CHN1: variants seen among roughly 807,000 people sequenced by gnomAD.
CHN1 encodes the protein N-chimaerin.
A neutral mutation model predicts 59.5 loss-of-function variants in CHN1; 37 were observed. That is an observed-to-expected ratio of 0.62 (90% CI 0.48 to 0.82). The LOEUF is 0.82. CHN1 is among the 40% of genes least tolerant of loss of function. The pLI is 0.00. For missense variants in CHN1, 469 were observed against 571.0 expected (o/e 0.82, Z 1.82); for synonymous variants, 206 against 200.4 (o/e 1.03, Z -0.24).
intron 3 of CHN1, among the ~76,000 whole-genome samples, chr2:174,931,904 A>G (rs1401207100): frequency 6.6e-6 from 1 of 152,202 alleles, no homozygotes; most frequent in Admixed American, 6.5e-5. Context: ...AAGACTGGTC[A>G]GGCTGAAGCA....
chr2:174,886,972 C>T (rs1033885546), intron 5 of CHN1, among the ~76,000 whole-genome samples: 1 of 152,178 alleles, frequency 6.6e-6, no homozygotes, highest in Non-Finnish European at 1.5e-5. Flanking sequence ...ATGGCTTCCT[C>T]ATGCCCTTTT....
In CHN1 at chr2:174,931,688, C is replaced by G. The variant is rs976780036; in HGVS notation, c.115-13123G>C. On this transcript the variant is annotated intron_variant, in intron 3 of 12. Coordinates refer to ENST00000409900, the MANE Select transcript of CHN1 (RefSeq NM_001822.7). ...AACAAAATGAAAAGTGTTGTGAAGACAAGACAAAGTAGAACAGGAAAAGAC... is the reference window on the plus strand; with the variant it reads ...AACAAAATGAAAAGTGTTGTGAAGAGAAGACAAAGTAGAACAGGAAAAGAC... Among the ~76,000 whole-genome samples the G allele has an allele frequency of 3.9e-5, 6 of 152,130 alleles. 1 individual carries two copies. In the South Asian group the frequency reaches 1.2e-3, roughly 32 times the overall value.
chr2:174,809,442 C>T (rs1263350444), intron 10 of CHN1, among the ~76,000 whole-genome samples: 1 of 152,164 alleles, frequency 6.6e-6, no homozygotes, highest in African/African-American at 2.4e-5. Context: ...TATAAATGTT[C>T]TAAAGAACAT....
chr2:174,905,554 G>T (rs60483396), intron 5 of CHN1, among the ~76,000 whole-genome samples: 49,400 of 151,698 alleles, frequency 0.33, 9,346 homozygotes, highest in Admixed American at 0.46. Context: ...CCATGCTGAG[G>T]ATAAAAAAAA....
At chr2:174,831,650 A>G (rs1685882592) in intron 7 of CHN1, among the ~76,000 whole-genome samples, 1 of 152,142 alleles carries the variant, frequency 6.6e-6, no homozygotes, top group African/African-American at 2.4e-5. Flanking sequence ...TAAAATATAT[A>G]ATTTTAATGT....
At chr2:174,949,965 A>G (rs1689964901) in intron 2 of CHN1, among the ~76,000 whole-genome samples, 1 of 152,206 alleles carries the variant, frequency 6.6e-6, no homozygotes, top group Non-Finnish European at 1.5e-5. Context: ...CTGTAGTCTT[A>G]TTAAAGAAAG....
chr2:174,986,067 G>T (rs1691329616), intron 1 of CHN1, among the ~76,000 whole-genome samples: 1 of 152,208 alleles, frequency 6.6e-6, no homozygotes, highest in Middle Eastern at 3.4e-3. Flanking sequence ...TTGTGGATTT[G>T]AGATTAGATT....
At chr2:174,807,464 G>C (rs1339177862) in intron 11 of CHN1, among the ~76,000 whole-genome samples, 5 of 125,904 alleles carry the variant, frequency 4.0e-5, no homozygotes, top group Admixed American at 3.0e-4. Flanking sequence ...GTGTGTGTGT[G>C]TGTGTGTGTG....
intron 3 of CHN1, among the ~76,000 whole-genome samples, chr2:174,930,513 C>A (rs562345181): frequency 1.3e-5 from 2 of 152,236 alleles, no homozygotes; most frequent in East Asian, 3.9e-4. Flanking sequence ...TGAGACATAT[C>A]TGGGCAGCCC....
chr2:174,874,568 GC>G (rs796738492), intron 6 of CHN1, among the ~76,000 whole-genome samples: 2 of 152,080 alleles, frequency 1.3e-5, no homozygotes, highest in African/African-American at 4.8e-5. Context: ...AAACCATCCT[GC>G]CAAGCCTTTC....
intron 8 of CHN1, among the ~76,000 whole-genome samples, chr2:174,818,507 T>C (rs1685359961): frequency 6.6e-6 from 1 of 152,200 alleles, no homozygotes; most frequent in Admixed American, 6.5e-5. Flanking sequence ...AACTCTTATA[T>C]AGTTCCATTT....
At chr2:174,807,376 C>G (rs2105377071) in intron 11 of CHN1, among the ~76,000 whole-genome samples, 1 of 151,034 alleles carries the variant, frequency 6.6e-6, no homozygotes, top group Middle Eastern at 3.4e-3. Context: ...GGAAGCTTAC[C>G]CACTTTCAGT....
intron 1 of CHN1, among the ~76,000 whole-genome samples, chr2:174,955,089 A>T (rs1206831194): frequency 6.6e-6 from 1 of 150,564 alleles, no homozygotes; most frequent in Non-Finnish European, 1.5e-5. Context: ...ATATACATCT[A>T]TATATCTATA....
intron 1 of CHN1, 66 bp downstream of exon 1, chr2:175,004,828 G>C (rs556812080): frequency 4.4e-6 from 5 of 1,146,570 alleles, no homozygotes; most frequent in African/African-American, 1.7e-5. Context: ...AGGCCCCCCA[G>C]GCCCCCGCCC....
intron 5 of CHN1, among the ~76,000 whole-genome samples, chr2:174,914,049 A>G (rs1218899933): frequency 6.6e-6 from 1 of 152,248 alleles, no homozygotes; most frequent in East Asian, 1.9e-4. Context: ...CCGAAGTCAG[A>G]CAATCTGGGT....
intron 8 of CHN1, among the ~76,000 whole-genome samples, chr2:174,821,475 G>C (rs1346422338): frequency 6.6e-6 from 1 of 152,168 alleles, no homozygotes; most frequent in Non-Finnish European, 1.5e-5. Context: ...GCTGTGGTTT[G>C]AAAGTGTCCC....
intron 3 of CHN1, among the ~76,000 whole-genome samples, chr2:174,937,485 T>C (rs116126866): frequency 2.4e-4 from 36 of 152,340 alleles, no homozygotes; most frequent in Non-Finnish European, 4.6e-4. Flanking sequence ...CACCCATAAA[T>C]AATAATTATT....
At position 175,005,317 on chromosome 2, in the gene CHN1, G is replaced by A. The variant is rs1446969389; in HGVS notation, c.-405C>T. On this transcript the variant is annotated 5_prime_UTR_variant, in exon 1 of 13. Transcript: ENST00000409900. ...GCAGCAGCAGCCTCGCACAGCCCCC[G>A]GCGGGGCGCGCTCACTCCGCATCCC... 7 of 1,172,614 alleles carry A rather than the reference G, an allele frequency of 6.0e-6. No individual in the cohort carries two copies. In the Admixed American group the frequency reaches 1.8e-4, roughly 30 times the overall value. The allele number at this position is 1,172,614 out of a possible 1,614,324, so 72.6% of individuals were successfully genotyped here. A position where few individuals can be genotyped will look rare whatever the true frequency, so the allele number is the denominator to read the frequency against.
intron 5 of CHN1, among the ~76,000 whole-genome samples, chr2:174,895,494 C>T (rs1688193092): frequency 6.6e-6 from 1 of 151,952 alleles, no homozygotes; most frequent in African/African-American, 2.4e-5. Flanking sequence ...TTCTGGAGAG[C>T]TGTTGTACAA....
Sources: gnomAD v4.1 joint callset for allele counts (sites outside exome capture counted in the v4.1 genomes callset) on GRCh38, gnomAD v4.1.1 for gene constraint, MANE v1.5 for transcripts, NCBI Gene and HGNC (gene_info 2026-07-23, HGNC 2026-07-21) for gene names.